Variants in EPB41L3 observed in about 807,000 individuals in gnomAD.
EPB41L3 encodes the protein band 4.1-like protein 3.
Under a neutral mutation model 127.1 loss-of-function variants are expected in EPB41L3, and 57 were observed. The ratio of observed to expected loss-of-function variants is 0.45; its 90% CI spans 0.36 to 0.56. The LOEUF (loss-of-function observed/expected upper bound fraction) is 0.56. Among genes scored for constraint, EPB41L3 ranks in the 20% least tolerant of loss-of-function variants. The probability of loss-of-function intolerance (pLI) is 0.00; values close to 1 mark genes in which losing one functional copy is unlikely to be tolerated. For synonymous variants in EPB41L3, 572 were observed against 549.5 expected, an observed-to-expected ratio of 1.04 and a Z score of -0.57; for missense variants, 1,273 against 1,372.2, an observed-to-expected ratio of 0.93 and a Z score of 1.14.
intron 1 of EPB41L3, among the ~76,000 whole-genome samples, chr18:5,522,591 A>T (rs2093039270): frequency 6.6e-6 from 1 of 152,248 alleles, no homozygotes; most frequent in Non-Finnish European, 1.5e-5. Context: ...CAGCTTAAAA[A>T]TATACAAATA....
intron 1 of EPB41L3, among the ~76,000 whole-genome samples, chr18:5,622,951 ATTTTTTTT>A (rs10622515): frequency 2.6e-5 from 2 of 76,054 alleles, no homozygotes; most frequent in South Asian, 5.9e-4. Context: ...CATAATGCTG[ATTTTTTTT>A]TTTTTTTTTT....
intron 3 of EPB41L3, among the ~76,000 whole-genome samples, chr18:5,460,306 A>G (rs577309282): frequency 7.2e-4 from 109 of 152,262 alleles, no homozygotes; most frequent in Non-Finnish European, 1.3e-3. Flanking sequence ...TCTGGGAAAC[A>G]GCACACTGCA....
rs199744753 is a variant in EPB41L3, at chr18:5,415,821, T to C, written c.2064A>G (p.Glu688=). The C allele has an allele frequency of 6.4e-5, 103 of 1,611,708 alleles. No homozygotes were observed. The highest frequency in any genetic ancestry group is 8.3e-5 in the Non-Finnish European group (98 of 1,179,536). Residue 688 remains glutamate (E), a synonymous_variant, in exon 13 of 23, where the codon GAA becomes GAG. Transcript: ENST00000341928. ...LDNDPSDSSE[E]ETDSERTDTA... is the part of the protein sequence containing the mutation. The stretch of plus-strand genomic sequence containing the variant: ...TGTTCTATGCCGAGGTACACACCTC[T>C]TCCTCTGAACTGTCACTCGGGTCAT...
intron 3 of EPB41L3, among the ~76,000 whole-genome samples, chr18:5,450,465 TGG>T (rs11318006): frequency 2.0e-5 from 3 of 146,988 alleles, no homozygotes; most frequent in African/African-American, 7.6e-5. Context: ...ATAGAGAAAC[TGG>T]GGGGGGTGAG....
At chr18:5,586,936 A>C (rs556095117) in intron 3 of EPB41L3, among the ~76,000 whole-genome samples, 20 of 152,240 alleles carry the variant, frequency 1.3e-4, no homozygotes, top group African/African-American at 4.8e-4. Flanking sequence ...GAAACCTCAC[A>C]GTTCTTTCAC....
At chr18:5,562,566 G>A (rs529688739) in intron 3 of EPB41L3, among the ~76,000 whole-genome samples, 29 of 152,288 alleles carry the variant, frequency 1.9e-4, no homozygotes, top group African/African-American at 4.6e-4. Flanking sequence ...TACCAACCTC[G>A]TAAAGCTAGA....
At chr18:5,427,894 T>G (rs1194026642) in intron 9 of EPB41L3, among the ~76,000 whole-genome samples, 1 of 152,044 alleles carries the variant, frequency 6.6e-6, no homozygotes, top group African/African-American at 2.4e-5. Flanking sequence ...TATAGGCACC[T>G]GCCACTACGC....
intron 3 of EPB41L3, among the ~76,000 whole-genome samples, chr18:5,607,450 T>C (rs1024587355): frequency 4.6e-5 from 7 of 152,152 alleles, no homozygotes; most frequent in African/African-American, 1.7e-4. Flanking sequence ...AAGATAATTC[T>C]CTGCTTTTCA....
chr18:5,620,210 CA>C (rs2144209316), intron 1 of EPB41L3, among the ~76,000 whole-genome samples: 1 of 152,192 alleles, frequency 6.6e-6, no homozygotes, highest in African/African-American at 2.4e-5. Context: ...AACTCTATCA[CA>C]AAGATGAATA....
chr18:5,570,129 T>C (rs925561271), intron 3 of EPB41L3: 2 of 152,186 alleles, frequency 1.3e-5, no homozygotes, highest in African/African-American at 4.8e-5. Context: ...TCCTCTATCC[T>C]ATCCTGCCTT....
At chr18:5,490,061 G>A in intron 1 of EPB41L3, among the ~76,000 whole-genome samples, 1 of 152,176 alleles carries the variant, frequency 6.6e-6, no homozygotes, top group East Asian at 1.9e-4. Context: ...GACACTGAAC[G>A]TGATAATACC....
chr18:5,630,558 G>T, upstream of EPB41L3: 1 of 516,052 alleles, frequency 1.9e-6, no homozygotes, highest in South Asian at 1.4e-5. Flanking sequence ...TCGGCGGCGG[G>T]AAAGAGCTCC....
intron 1 of EPB41L3, among the ~76,000 whole-genome samples, chr18:5,619,536 C>T (rs994960770): frequency 1.3e-5 from 2 of 152,156 alleles, no homozygotes; most frequent in African/African-American, 4.8e-5. Flanking sequence ...CTCAGCTGTT[C>T]CTTGAAGCAT....
At chr18:5,499,516 C>T (rs1184444583) in intron 1 of EPB41L3, among the ~76,000 whole-genome samples, 7 of 152,046 alleles carry the variant, frequency 4.6e-5, no homozygotes, top group Admixed American at 4.6e-4. Context: ...GTAATCCCAG[C>T]ACTTTGAGGG....
At chr18:5,396,424 G>C in intron 18 of EPB41L3, 92 bp from the exon 19 acceptor site, 1 of 1,446,252 alleles carries the variant, frequency 6.9e-7, no homozygotes, top group Non-Finnish European at 9.6e-7. Context: ...TATAAGCACA[G>C]GTTAGTATGC....
intron 16 of EPB41L3, among the ~76,000 whole-genome samples, chr18:5,403,327 G>C (rs2074815777): frequency 6.6e-6 from 1 of 152,018 alleles, no homozygotes; most frequent in Non-Finnish European, 1.5e-5. Context: ...TCTGAAACTT[G>C]AAACAATCGG....
At chr18:5,404,619 G>T (rs1321087806) in intron 16 of EPB41L3, among the ~76,000 whole-genome samples, 1 of 152,226 alleles carries the variant, frequency 6.6e-6, no homozygotes, top group Non-Finnish European at 1.5e-5. Flanking sequence ...TATTATAAAT[G>T]TAAAAAAAAC....
At chr18:5,465,481 C>T (rs1457900548) in intron 3 of EPB41L3, among the ~76,000 whole-genome samples, 2 of 152,026 alleles carry the variant, frequency 1.3e-5, no homozygotes, top group Non-Finnish European at 2.9e-5. Flanking sequence ...GGTTCTGATC[C>T]TATTTTCATG....
chr18:5,490,239 C>G (rs1470610596), intron 1 of EPB41L3, among the ~76,000 whole-genome samples: 3 of 152,150 alleles, frequency 2.0e-5, no homozygotes, highest in Non-Finnish European at 4.4e-5. Context: ...GAGTAAGTAT[C>G]TCAAGTACAA....
Sources: gnomAD v4.1 joint callset for allele counts (sites outside exome capture counted in the v4.1 genomes callset) on GRCh38, gnomAD v4.1.1 for gene constraint, MANE v1.5 for transcripts, NCBI Gene and HGNC (gene_info 2026-07-23, HGNC 2026-07-21) for gene names.